Variants in AFF2 observed in about 807,000 individuals in gnomAD.
AFF2 encodes the protein AF4/FMR2 family member 2.
In AFF2, 14 loss-of-function variants were observed where a neutral mutation model predicts 76.9. The observed-to-expected ratio is 0.18, with a 90% CI of 0.12 to 0.28. AFF2 has a LOEUF of 0.28. Among genes scored for constraint, AFF2 ranks in the 10% least tolerant of loss-of-function variants. AFF2 has a pLI of 1.00. For missense variants in AFF2, 868 were observed against 1,001.1 expected, an observed-to-expected ratio of 0.87 and a Z score of 1.79; for synonymous variants, 398 against 366.7, an observed-to-expected ratio of 1.09 and a Z score of -0.98.
chrX:148,570,242 C>T (rs1192446318), intron 1 of AFF2, among the ~76,000 whole-genome samples: 1 of 111,674 alleles, frequency 9.0e-6, no homozygotes, highest in African/African-American at 3.3e-5. Flanking sequence ...AATTTCATAT[C>T]ACCCAATAAG....
At chrX:148,586,315 A>C (rs1219387456) in intron 1 of AFF2, among the ~76,000 whole-genome samples, 4 of 112,231 alleles carry the variant, frequency 3.6e-5, no homozygotes, top group African/African-American at 1.3e-4. Flanking sequence ...AACAGTGGCA[A>C]CGTTTATATT....
intron 3 of AFF2, among the ~76,000 whole-genome samples, chrX:148,707,853 G>T (rs2054905313): frequency 9.0e-6 from 1 of 111,646 alleles, no homozygotes; most frequent in African/African-American, 3.3e-5. Context: ...TTAGAATTTT[G>T]CAATGCCTCT....
intron 1 of AFF2, 57 bp from the exon 2 acceptor site, chrX:148,651,942 A>G: frequency 9.3e-7 from 1 of 1,077,250 alleles, no homozygotes; most frequent in South Asian, 2.4e-5. Flanking sequence ...GAAAATTTAA[A>G]TGACTTGCAT....
chrX:148,914,324 C>T (rs147267643), intron 9 of AFF2, among the ~76,000 whole-genome samples: 1,219 of 111,327 alleles, frequency 0.011, 16 homozygotes, highest in African/African-American at 0.037. Context: ...CGGAAAATAC[C>T]AAGTGTGTGA....
intron 1 of AFF2, among the ~76,000 whole-genome samples, chrX:148,634,309 G>C (rs1371558445): frequency 9.0e-6 from 1 of 111,588 alleles, no homozygotes; most frequent in African/African-American, 3.3e-5. Context: ...TAATATGTTA[G>C]ATTTTATAAA....
chrX:148,722,879 C>G (rs1557263938), intron 3 of AFF2, among the ~76,000 whole-genome samples: 1 of 110,984 alleles, frequency 9.0e-6, no homozygotes, highest in Non-Finnish European at 1.9e-5. Flanking sequence ...CTTCCTTTCT[C>G]TCCCTTTACC....
At chrX:148,564,399 TAG>T (rs1381360146) in intron 1 of AFF2, among the ~76,000 whole-genome samples, 2 of 107,281 alleles carry the variant, frequency 1.9e-5, no homozygotes, top group African/African-American at 6.8e-5. Context: ...TTTGATGCAA[TAG>T]AGTCAGTGAG....
intron 1 of AFF2, among the ~76,000 whole-genome samples, chrX:148,639,669 C>T (rs2054067667): frequency 9.0e-6 from 1 of 111,418 alleles, no homozygotes; most frequent in South Asian, 3.8e-4. Context: ...TGTGCAGTGC[C>T]GAGGCTCAAG....
chrX:148,520,149 A>G (rs2052579016), intron 1 of AFF2, among the ~76,000 whole-genome samples: 1 of 111,495 alleles, frequency 9.0e-6, no homozygotes. Context: ...TTTTGGATTC[A>G]GTGAAACCCG....
chrX:148,885,820 C>A, intron 7 of AFF2, 69 bp from the exon 8 acceptor site: 1 of 907,356 alleles, frequency 1.1e-6, no homozygotes, highest in Non-Finnish European at 1.6e-6. Flanking sequence ...ATTCTCATTG[C>A]AAGATGTATC....
rs188185574 is a variant in AFF2 at position 148,932,198 on chromosome X, T to C, written c.1398-21382T>C. Among the ~76,000 whole-genome samples the C allele has an allele frequency of 2.2e-3, 246 of 112,351 alleles. 2 individuals carry two copies. Among genetic ancestry groups the C allele is most frequent in the African/African-American group, 7.5e-3 (233 of 30,991 alleles). On this transcript the variant is annotated intron_variant, in intron 9 of 20. Transcript: ENST00000370460. Reference sequence around the variant, plus strand: ...TGCTTGTGAGGATGAATCATGGAACTGAAGGTACCGCTTAGGTTGAGATCA... The same window carrying C: ...TGCTTGTGAGGATGAATCATGGAACCGAAGGTACCGCTTAGGTTGAGATCA...
At chrX:148,983,922 G>C (rs1557291122) in intron 19 of AFF2, among the ~76,000 whole-genome samples, 1 of 72,390 alleles carries the variant, frequency 1.4e-5, no homozygotes, top group East Asian at 5.1e-4. Flanking sequence ...CACTGTTCTA[G>C]ATACTGAAGT....
chrX:148,521,911 C>G (rs1014335905), intron 1 of AFF2, among the ~76,000 whole-genome samples: 3 of 112,017 alleles, frequency 2.7e-5, no homozygotes, highest in Non-Finnish European at 5.6e-5. Context: ...CCTTTCTCCT[C>G]AGTTGCATCA....
At chrX:148,941,378 T>C (rs1557285556) in intron 9 of AFF2, among the ~76,000 whole-genome samples, 2 of 112,001 alleles carry the variant, frequency 1.8e-5, no homozygotes, top group Non-Finnish European at 1.9e-5. Flanking sequence ...GGAAAAATCA[T>C]CAACTAGAGA....
At chrX:148,936,495 G>A (rs1368170900) in intron 9 of AFF2, among the ~76,000 whole-genome samples, 1 of 112,390 alleles carries the variant, frequency 8.9e-6, no homozygotes, top group Non-Finnish European at 1.9e-5. Flanking sequence ...TAGGACTTTG[G>A]AGTGAACATG....
At chrX:148,860,491 T>A (rs1241369767) in intron 7 of AFF2, among the ~76,000 whole-genome samples, 2 of 111,811 alleles carry the variant, frequency 1.8e-5, no homozygotes, top group Admixed American at 9.5e-5. Context: ...TTACGTGGAA[T>A]CATCATTTTG....
At chrX:148,953,816 C>T (rs2072001028) in intron 10 of AFF2, 77 bp downstream of exon 10, 3 of 347,826 alleles carry the variant, frequency 8.6e-6, no homozygotes, top group East Asian at 1.6e-4. Context: ...CACACACAGA[C>T]ACACACACAC....
intron 1 of AFF2, among the ~76,000 whole-genome samples, chrX:148,543,419 T>C (rs901518270): frequency 9.0e-6 from 1 of 111,180 alleles, no homozygotes; most frequent in Non-Finnish European, 1.9e-5. Flanking sequence ...GCATCCTATA[T>C]TTCTGCTTGT....
At chrX:148,679,887 C>T (rs1389309969) in intron 3 of AFF2, among the ~76,000 whole-genome samples, 2 of 112,402 alleles carry the variant, frequency 1.8e-5, no homozygotes, top group African/African-American at 6.5e-5. Context: ...AAGCCATTCA[C>T]ATGACTTCTG....
Sources: allele counts gnomAD v4.1 joint callset (sites outside exome capture counted in the v4.1 genomes callset), GRCh38; gene constraint gnomAD v4.1.1; transcripts MANE v1.5; gene names NCBI Gene and HGNC (gene_info 2026-07-23, HGNC 2026-07-21).